Variants in IPO7 observed in about 807,000 individuals in gnomAD.
IPO7 encodes the protein importin 7.
Under a neutral mutation model 136.4 loss-of-function variants are expected in IPO7, and 13 were observed. That is an observed-to-expected ratio of 0.10 (90% confidence interval 0.06 to 0.15). IPO7 has a LOEUF of 0.15. IPO7 is among the 10% of genes least tolerant of loss of function. The pLI, the probability that IPO7 is intolerant of heterozygous loss-of-function variation, is 1.00. For synonymous variants in IPO7, 403 were observed against 404.4 expected (o/e 1.00, Z 0.04); for missense variants, 857 against 1,240.6 (o/e 0.69, Z 4.65).
At chr11:9,415,551 G>A (rs1392405337) in intron 5 of IPO7, among the ~76,000 whole-genome samples, 1 of 151,960 alleles carries the variant, frequency 6.6e-6, no homozygotes, top group Admixed American at 6.6e-5. Flanking sequence ...CTACAGAAAT[G>A]GTTGGGGCCG....
chr11:9,411,926 C>T (rs1854973134), intron 4 of IPO7, among the ~76,000 whole-genome samples: 1 of 152,110 alleles, frequency 6.6e-6, no homozygotes, highest in South Asian at 2.1e-4. Context: ...AGTATTTAAA[C>T]TCTCTTAGGG....
intron 24 of IPO7, among the ~76,000 whole-genome samples, chr11:9,443,480 A>G (rs1393130036): frequency 2.0e-5 from 3 of 149,124 alleles, no homozygotes; most frequent in African/African-American, 7.5e-5. Context: ...AATCCCAGCT[A>G]CTCGGGAGGC....
At position 9,425,196 on chromosome 11, in the gene IPO7, T is replaced by C; in HGVS notation, c.1269T>C (p.Asn423=). The C allele has an allele frequency of 1.9e-6, 3 of 1,612,348 alleles. No individual in the cohort carries two copies. Among genetic ancestry groups the C allele is most frequent in the Non-Finnish European group, 2.5e-6 (3 of 1,179,484 alleles). The change falls in exon 12 of 25, where the codon AAT becomes AAC. Residue 423 remains asparagine (N), a synonymous_variant. Coordinates refer to ENST00000379719, the MANE Select transcript of IPO7 (RefSeq NM_006391.3). ...GFCYQILTEP[N]ADPRKKDGAL... Reference sequence around the variant, plus strand: ...GTTACCAGATTCTTACAGAACCAAATGCTGACCCTCGAAAAAAAGATGGAG... The same window carrying C: ...GTTACCAGATTCTTACAGAACCAAACGCTGACCCTCGAAAAAAAGATGGAG...
chr11:9,404,091 A>G (rs143033717), intron 2 of IPO7, among the ~76,000 whole-genome samples: 100 of 152,348 alleles, frequency 6.6e-4, no homozygotes, highest in African/African-American at 2.2e-3. Flanking sequence ...CAAAGTACCA[A>G]TAATTTCATC....
intron 1 of IPO7, among the ~76,000 whole-genome samples, chr11:9,397,332 T>TAAAAAAAA (rs757736784): frequency 0.027 from 322 of 12,086 alleles, 99 homozygotes; most frequent in East Asian, 0.083. Flanking sequence ...TAAAAATAAT[T>TAAAAAAAA]TAAAAAAAAA....
At chr11:9,401,162 G>A (rs1854789705) in intron 1 of IPO7, among the ~76,000 whole-genome samples, 1 of 150,070 alleles carries the variant, frequency 6.7e-6, no homozygotes, top group South Asian at 2.1e-4. Context: ...GCTTGGGCGA[G>A]AAGAGTGAAA....
At chr11:9,419,213 C>T (rs1855087979) in intron 6 of IPO7, among the ~76,000 whole-genome samples, 1 of 152,022 alleles carries the variant, frequency 6.6e-6, no homozygotes, top group African/African-American at 2.4e-5. Context: ...TGAGAGTGTT[C>T]ACTTGCTCTG....
At chr11:9,405,170 C>T (rs1854862915) in intron 2 of IPO7, among the ~76,000 whole-genome samples, 1 of 151,598 alleles carries the variant, frequency 6.6e-6, no homozygotes, top group African/African-American at 2.4e-5. Flanking sequence ...GTAGCTCCAT[C>T]TTTTTTTTGT....
At chr11:9,418,864 A>G (rs1855081694) in intron 6 of IPO7, among the ~76,000 whole-genome samples, 2 of 152,166 alleles carry the variant, frequency 1.3e-5, no homozygotes, top group Non-Finnish European at 2.9e-5. Flanking sequence ...CTGTTTTAGA[A>G]CTTAGTAAGT....
chr11:9,425,749 G>A (rs1393571156), intron 12 of IPO7, among the ~76,000 whole-genome samples: 1 of 152,042 alleles, frequency 6.6e-6, no homozygotes, highest in African/African-American at 2.4e-5. Context: ...CATGGTGGCT[G>A]GCGCCTGTAG....
chr11:9,397,339 AAAATATATAT>A (rs1370740561), intron 1 of IPO7, among the ~76,000 whole-genome samples: 1 of 1,364 alleles, frequency 7.3e-4, no homozygotes, highest in African/African-American at 1.3e-3. Context: ...AATTTAAAAA[AAAATATATAT>A]ATATATATAT....
intron 6 of IPO7, 86 bp from the exon 7 acceptor site, chr11:9,420,325 T>C (rs931481763): frequency 1.2e-6 from 1 of 835,154 alleles, no homozygotes; most frequent in African/African-American, 1.7e-5. Flanking sequence ...TAGTGAAGCA[T>C]TCACATTTTT....
rs377107779 is a variant in IPO7, at chr11:9,440,363, G to C, written c.2696-92G>C. On this transcript the variant is annotated intron_variant, in intron 22 of 24. Transcript: ENST00000379719. The stretch of plus-strand genomic sequence containing the variant: ...AGCTCTCTCTTGTCACTTGTGACTT[G>C]TAATTTACTGACAGTGATTGAGATG... 46 of 997,990 alleles carry C rather than the reference G, an allele frequency of 4.6e-5. No individual in the cohort carries two copies. In the East Asian group the frequency reaches 7.5e-4, roughly 16 times the overall value. The allele number at this position is 997,990 out of a possible 1,614,324, so 61.8% of individuals were successfully genotyped here. A position where few individuals can be genotyped will look rare whatever the true frequency, so the allele number is the denominator to read the frequency against.
At chr11:9,423,172 T>C in intron 9 of IPO7, 32 bp downstream of exon 9, 1 of 1,413,104 alleles carries the variant, frequency 7.1e-7, no homozygotes, top group South Asian at 1.3e-5. Flanking sequence ...GTTTTTATAG[T>C]AAATATAATA....
chr11:9,397,587 C>G (rs1459623871), intron 1 of IPO7, among the ~76,000 whole-genome samples: 1 of 151,172 alleles, frequency 6.6e-6, no homozygotes, highest in African/African-American at 2.4e-5. Context: ...ATCTGGGGTT[C>G]TAATCATATA....
chr11:9,387,986 A>G (rs1178534962), intron 1 of IPO7, among the ~76,000 whole-genome samples: 2 of 148,322 alleles, frequency 1.3e-5, no homozygotes, highest in Admixed American at 6.7e-5. Context: ...CGTCTCTACT[A>G]AAAATACAAA....
chr11:9,443,748 A>G (rs562042320), intron 24 of IPO7, among the ~76,000 whole-genome samples: 1 of 151,460 alleles, frequency 6.6e-6, no homozygotes, highest in East Asian at 1.9e-4. Context: ...ACAAAAAATA[A>G]AATTAGCCAG....
At chr11:9,400,608 C>T (rs763462102) in intron 1 of IPO7, among the ~76,000 whole-genome samples, 65 of 151,798 alleles carry the variant, frequency 4.3e-4, no homozygotes, top group Middle Eastern at 3.4e-3. Context: ...ATTTTTAGTA[C>T]AGACGGGATT....
chr11:9,408,442 C>A, intron 2 of IPO7, 44 bp from the exon 3 acceptor site: 4 of 1,320,338 alleles, frequency 3.0e-6, no homozygotes, highest in Non-Finnish European at 4.0e-6. Context: ...TTTCACAGTA[C>A]TTTCACAGTA....
Sources: allele counts gnomAD v4.1 joint callset (sites outside exome capture counted in the v4.1 genomes callset), GRCh38; gene constraint gnomAD v4.1.1; transcripts MANE v1.5; gene names NCBI Gene and HGNC (gene_info 2026-07-23, HGNC 2026-07-21).